UNC13B: variants seen among roughly 807,000 people sequenced by gnomAD.
UNC13B encodes unc-13 homolog B.
UNC13B carries 144 observed loss-of-function variants against 211.0 expected under a neutral mutation model. That is an observed-to-expected ratio of 0.68 (90% confidence interval 0.60 to 0.78). The LOEUF (loss-of-function observed/expected upper bound fraction) is 0.78. Ranked by LOEUF, UNC13B falls within the 30% of genes least tolerant of loss-of-function variation. The probability of loss-of-function intolerance (pLI) is 0.00; values close to 1 mark genes in which losing one functional copy is unlikely to be tolerated. For missense variants in UNC13B, 1,777 were observed against 2,002.0 expected (o/e 0.89, Z 2.14); for synonymous variants, 709 against 725.8 (o/e 0.98, Z 0.37).
intron 6 of UNC13B, among the ~76,000 whole-genome samples, chr9:35,245,381 G>A (rs551592996): frequency 7.7e-4 from 116 of 150,314 alleles, no homozygotes; most frequent in African/African-American, 2.6e-3. Flanking sequence ...TAAGTTTTAG[G>A]GTACATGTGC....
At chr9:35,218,702 G>A (rs986975307) in intron 1 of UNC13B, among the ~76,000 whole-genome samples, 6 of 151,586 alleles carry the variant, frequency 4.0e-5, no homozygotes, top group African/African-American at 2.4e-5. Flanking sequence ...TGGTTAAGTG[G>A]TTAATTTAGA....
intron 16 of UNC13B, 115 bp from the exon 17 acceptor site, chr9:35,378,180 G>A: frequency 7.2e-7 from 1 of 1,381,432 alleles, no homozygotes; most frequent in South Asian, 1.4e-5. Flanking sequence ...TGGAGGAATG[G>A]GATTACGGTA....
At chr9:35,344,246 C>T (rs188556698) in intron 11 of UNC13B, among the ~76,000 whole-genome samples, 259 of 152,220 alleles carry the variant, frequency 1.7e-3, no homozygotes, top group African/African-American at 6.0e-3. Context: ...TGCCATGCCC[C>T]CACACTCTTT....
chr9:35,173,166 T>C (rs990784052), intron 1 of UNC13B, among the ~76,000 whole-genome samples: 41 of 152,304 alleles, frequency 2.7e-4, no homozygotes, highest in African/African-American at 8.9e-4. Flanking sequence ...TAATTGCTTT[T>C]ATATAATTAG....
rs76625395 is a variant in UNC13B, at chr9:35,358,712, G to A, written c.9415-8235G>A. On this transcript the variant is annotated intron_variant, in intron 11 of 39. Coordinates refer to ENST00000635942, the MANE Select transcript of UNC13B (RefSeq NM_001371189.2). ...ATGATTTTTTTTTTTTTTTTTTTTT[G>A]AGACGGAGTTTTGCTCTGTTGCCCA... Among the ~76,000 whole-genome samples, 7 of 31,558 alleles carry A rather than the reference G, an allele frequency of 2.2e-4. No homozygotes were observed. In the South Asian group the frequency reaches 2.8e-3, roughly 13 times the overall value. 20.7% of individuals were successfully genotyped at this position (31,558 alleles called of 152,430 possible). A position where few individuals can be genotyped will look rare whatever the true frequency, so the allele number is the denominator to read the frequency against.
In UNC13B at chr9:35,403,180, C is replaced by G. The variant is rs779249700; in HGVS notation, c.12498C>G (p.Asp4166Glu). Residue 4166 changes from aspartate to glutamate, a missense_variant, in exon 38 of 40, where the codon GAC becomes GAG. Asp to Glu is a conservative substitution (Grantham distance 45). Coordinates refer to ENST00000635942, the MANE Select transcript of UNC13B (RefSeq NM_001371189.2). ...TTTGTCCCTCAGGGTCTGGTGTGGA[C>G]GATCCTGTGGGAGAAGTCTCTATTC... ...RSQTTQGSGV[D>E]DPVGEVSIQV... is the part of the protein sequence containing the mutation. 1.9e-6 allele frequency: 3 copies of G among 1,614,044 alleles called. No individual in the cohort carries two copies. Among genetic ancestry groups the G allele is most frequent in the Non-Finnish European group, 2.5e-6 (3 of 1,179,954 alleles).
At chr9:35,293,942 A>G (rs1397229502) in intron 7 of UNC13B, among the ~76,000 whole-genome samples, 1 of 152,168 alleles carries the variant, frequency 6.6e-6, no homozygotes, top group African/African-American at 2.4e-5. Flanking sequence ...ACATGTAACC[A>G]TAAACTCAAA....
chr9:35,247,155 G>T (rs1826151644), intron 6 of UNC13B, among the ~76,000 whole-genome samples: 1 of 152,072 alleles, frequency 6.6e-6, no homozygotes. Flanking sequence ...CTCTCTGTTT[G>T]TCTGTTATTG....
chr9:35,317,415 C>T (rs1349372747), intron 11 of UNC13B, among the ~76,000 whole-genome samples: 4 of 151,650 alleles, frequency 2.6e-5, no homozygotes, highest in Non-Finnish European at 4.4e-5. Flanking sequence ...GTTGCCCAGG[C>T]TGGTCTTGAA....
At chr9:35,252,457 A>G (rs1826555055) in intron 6 of UNC13B, among the ~76,000 whole-genome samples, 2 of 151,790 alleles carry the variant, frequency 1.3e-5, no homozygotes, top group South Asian at 4.2e-4. Flanking sequence ...GGCGTGCACT[A>G]CCATGCCTGG....
chr9:35,236,163 G>T (rs1020745073), intron 3 of UNC13B, among the ~76,000 whole-genome samples: 2 of 152,008 alleles, frequency 1.3e-5, no homozygotes, highest in African/African-American at 4.8e-5. Context: ...TGTGTTAAGA[G>T]CATTTAATAT....
At chr9:35,262,030 T>C (rs1187257295) in intron 7 of UNC13B, among the ~76,000 whole-genome samples, 1 of 152,204 alleles carries the variant, frequency 6.6e-6, no homozygotes, top group Non-Finnish European at 1.5e-5. Flanking sequence ...CATCTGTTGA[T>C]GGAAGCTTAG....
intron 7 of UNC13B, among the ~76,000 whole-genome samples, chr9:35,278,309 T>C (rs1282806350): frequency 6.6e-6 from 1 of 152,212 alleles, no homozygotes; most frequent in Non-Finnish European, 1.5e-5. Context: ...TTTAAATGTG[T>C]CGTAGAATTG....
intron 11 of UNC13B, among the ~76,000 whole-genome samples, chr9:35,331,214 A>C (rs961907161): frequency 6.6e-6 from 1 of 152,124 alleles, no homozygotes; most frequent in African/African-American, 2.4e-5. Flanking sequence ...CAACTTAAGT[A>C]ATTATTCAGG....
At chr9:35,258,957 GTATT>G (rs1827096936) in intron 6 of UNC13B, 32 bp from the exon 7 acceptor site, 23 of 1,596,406 alleles carry the variant, frequency 1.4e-5, no homozygotes, top group South Asian at 1.1e-5. Flanking sequence ...GCTTCTGATT[GTATT>G]TATTTATTTA....
Position 35,384,229 on chromosome 9 carries a change from T to A in UNC13B, c.10807-17T>A. ...AGGTTCTCTTTTTCTTCCCCTTTAT[T>A]TGTTTCTCACCCTCAGAAAGAGAGA... On this transcript the variant is annotated splice_polypyrimidine_tract_variant and intron_variant, in intron 21 of 39. Coordinates refer to ENST00000635942, the MANE Select transcript of UNC13B (RefSeq NM_001371189.2). The A allele has an allele frequency of 6.2e-7, 1 of 1,613,930 alleles. No homozygotes were observed. The highest frequency in any genetic ancestry group is 2.2e-5 in the East Asian group (1 of 44,886).
rs35751450 is a variant in UNC13B, at chr9:35,167,586, GT to G, written c.22+5300del. Among the ~76,000 whole-genome samples, 582 of 114,974 alleles carry G rather than the reference GT, an allele frequency of 5.1e-3. 3 individuals are homozygous for G. Among genetic ancestry groups the G allele is most frequent in the Non-Finnish European group, 5.5e-3 (307 of 56,252 alleles). The allele number at this position is 114,974 out of a possible 152,430, so 75.4% of individuals were successfully genotyped here. On this transcript the variant is annotated intron_variant, in intron 1 of 39. Transcript: ENST00000635942. ...AGTGCTACAATGAACATCTTTGTAG[GT>G]TTTTTTTTTTTTTTTTTTGAGATGG...
intron 14 of UNC13B, 22 bp downstream of exon 14, chr9:35,375,223 G>T (rs200303333): frequency 1.2e-6 from 2 of 1,613,172 alleles, no homozygotes; most frequent in Non-Finnish European, 1.7e-6. Context: ...AAGTGCTTTC[G>T]TAAGTCCACT....
chr9:35,351,616 GA>G, intron 11 of UNC13B: 10 of 1,232,256 alleles, frequency 8.1e-6, no homozygotes, highest in Non-Finnish European at 1.0e-5. Context: ...CTAAGGCAGA[GA>G]CCATGTGTGG....
Sources: allele counts gnomAD v4.1 joint callset (sites outside exome capture counted in the v4.1 genomes callset), GRCh38; gene constraint gnomAD v4.1.1; transcripts MANE v1.5; gene names NCBI Gene and HGNC (gene_info 2026-07-23, HGNC 2026-07-21).